SUPT3H: variants seen among roughly 807,000 people sequenced by gnomAD.
SUPT3H encodes the protein SPT3 homolog, SAGA and STAGA complex component.
In SUPT3H, 44 loss-of-function variants were observed where a neutral mutation model predicts 44.3. That is an observed-to-expected ratio of 0.99 (90% CI 0.78 to 1.28). SUPT3H has a LOEUF of 1.28. Among genes scored for constraint, SUPT3H ranks in the 50% most tolerant of loss-of-function variants. SUPT3H has a pLI of 0.00. For missense variants in SUPT3H, 380 were observed against 387.1 expected, an observed-to-expected ratio of 0.98 and a Z score of 0.15; for synonymous variants, 124 against 125.6, an observed-to-expected ratio of 0.99 and a Z score of 0.09.
chr6:45,243,084 G>A (rs534424944), intron 2 of SUPT3H, among the ~76,000 whole-genome samples: 1 of 151,538 alleles, frequency 6.6e-6, no homozygotes, highest in East Asian at 2.0e-4. Context: ...ATCCCAGCTA[G>A]TCGGGAGGCT....
rs150834812 is a variant in SUPT3H, at chr6:45,046,529, C to T, written c.187-25897G>A. 7.0e-3 allele frequency among the ~76,000 whole-genome samples: 1,068 copies of T among 152,214 alleles called. 15 individuals are homozygous for T. Among genetic ancestry groups the T allele is most frequent in the African/African-American group, 0.025 (1,025 of 41,534 alleles). The stretch of plus-strand genomic sequence containing the variant: ...TATTTTTAGTAGAGAGGAAGTTTCA[C>T]CATGTTGGCCAGGCTGGTCTCAAAC... On this transcript the variant is annotated intron_variant, in intron 3 of 10. Coordinates refer to ENST00000371459, the MANE Select transcript of SUPT3H (RefSeq NM_003599.4).
chr6:45,283,427 G>A (rs562661866), intron 2 of SUPT3H, among the ~76,000 whole-genome samples: 1 of 152,072 alleles, frequency 6.6e-6, no homozygotes, highest in East Asian at 1.9e-4. Context: ...AAAGGCAGGG[G>A]TTGCAATCCT....
chr6:44,914,358 A>T (rs1767496693), intron 10 of SUPT3H, among the ~76,000 whole-genome samples: 1 of 152,248 alleles, frequency 6.6e-6, no homozygotes, highest in Admixed American at 6.5e-5. Context: ...TTAAACAGGC[A>T]TTTATTAGCT....
At chr6:45,240,508 C>T (rs772985002) in intron 2 of SUPT3H, among the ~76,000 whole-genome samples, 5 of 152,180 alleles carry the variant, frequency 3.3e-5, no homozygotes, top group African/African-American at 4.8e-5. Flanking sequence ...TTAGGCGTAC[C>T]GCCCTCAAAA....
chr6:45,315,630 G>T (rs1343736408), intron 2 of SUPT3H, among the ~76,000 whole-genome samples: 1 of 152,130 alleles, frequency 6.6e-6, no homozygotes, highest in Non-Finnish European at 1.5e-5. Flanking sequence ...AAACACAGTA[G>T]ATGTTGGCAT....
intron 10 of SUPT3H, among the ~76,000 whole-genome samples, chr6:44,909,919 T>C (rs954423205): frequency 6.6e-5 from 10 of 152,236 alleles, no homozygotes; most frequent in Non-Finnish European, 1.3e-4. Context: ...TACAGTGAAA[T>C]GAGAACTCTC....
intron 10 of SUPT3H, among the ~76,000 whole-genome samples, chr6:44,858,582 T>A (rs1187731704): frequency 6.6e-6 from 1 of 152,202 alleles, no homozygotes; most frequent in Non-Finnish European, 1.5e-5. Context: ...ATTACTAAGT[T>A]GAACCATATA....
intron 2 of SUPT3H, among the ~76,000 whole-genome samples, chr6:45,112,990 G>T (rs1162029291): frequency 7.4e-5 from 11 of 147,918 alleles, no homozygotes; most frequent in South Asian, 2.1e-4. Context: ...ATTAGTTCTG[G>T]TTTTTTTGGA....
At chr6:45,137,318 G>GA (rs1309394583) in intron 2 of SUPT3H, among the ~76,000 whole-genome samples, 1 of 151,688 alleles carries the variant, frequency 6.6e-6, no homozygotes, top group East Asian at 1.9e-4. Flanking sequence ...CAAGCAAAAA[G>GA]AAAAAAAGAA....
At chr6:45,011,682 C>T (rs945238175) in intron 5 of SUPT3H, among the ~76,000 whole-genome samples, 4 of 151,936 alleles carry the variant, frequency 2.6e-5, no homozygotes, top group Non-Finnish European at 4.4e-5. Context: ...TATACTATCT[C>T]TTATATTTAT....
In SUPT3H at chr6:45,038,225, C is replaced by T. The variant is rs115115925; in HGVS notation, c.187-17593G>A. Among the ~76,000 whole-genome samples the T allele has an allele frequency of 7.8e-3, 1,186 of 152,256 alleles. 17 individuals are homozygous for T. Among genetic ancestry groups the T allele is most frequent in the African/African-American group, 0.026 (1,087 of 41,542 alleles). The stretch of plus-strand genomic sequence containing the variant: ...ATGCTATGAATAGTCTCAAATTTAT[C>T]TCCCTGGGCCCAAAGAGAAACTGCT... On this transcript the variant is annotated intron_variant, in intron 3 of 10. Transcript: ENST00000371459.
intron 2 of SUPT3H, among the ~76,000 whole-genome samples, chr6:45,174,015 G>C (rs549987117): frequency 9.2e-5 from 14 of 152,318 alleles, no homozygotes; most frequent in African/African-American, 3.4e-4. Context: ...ACAATGGTTT[G>C]CTTGGTGATC....
chr6:44,885,106 A>T (rs1778943704), intron 10 of SUPT3H, among the ~76,000 whole-genome samples: 2 of 152,226 alleles, frequency 1.3e-5, no homozygotes. Context: ...TAAACAAAGC[A>T]GCCAGGAAGC....
chr6:45,134,639 GAC>G (rs56412464), intron 2 of SUPT3H, among the ~76,000 whole-genome samples: 33,775 of 152,030 alleles, frequency 0.22, 4,389 homozygotes, highest in Non-Finnish European at 0.3. Flanking sequence ...GAAGGCATAG[GAC>G]AGACATTCTC....
chr6:45,244,469 T>C (rs182419560), intron 2 of SUPT3H, among the ~76,000 whole-genome samples: 1 of 152,320 alleles, frequency 6.6e-6, no homozygotes, highest in Admixed American at 6.5e-5. Flanking sequence ...CTCTCCTTCA[T>C]TATTTAAATC....
chr6:45,238,138 A>C (rs528390111), intron 2 of SUPT3H, among the ~76,000 whole-genome samples: 4 of 152,272 alleles, frequency 2.6e-5, no homozygotes, highest in Non-Finnish European at 5.9e-5. Context: ...ACTCGTAAAA[A>C]AATTTTTAGT....
At chr6:44,949,509 C>T (rs1463444167) in intron 9 of SUPT3H, among the ~76,000 whole-genome samples, 1 of 151,066 alleles carries the variant, frequency 6.6e-6, no homozygotes, top group African/African-American at 2.4e-5. Context: ...AGCTAACAAA[C>T]TGAGAGAAAA....
chr6:45,248,046 C>T (rs950668144), intron 2 of SUPT3H, among the ~76,000 whole-genome samples: 1 of 151,978 alleles, frequency 6.6e-6, no homozygotes, highest in Non-Finnish European at 1.5e-5. Context: ...AATATTGACC[C>T]ATACTTTACA....
chr6:44,830,920 G>A (rs1293117645), intron 10 of SUPT3H, among the ~76,000 whole-genome samples: 3 of 146,582 alleles, frequency 2.0e-5, no homozygotes, highest in East Asian at 2.2e-4. Flanking sequence ...AACCTTTTAC[G>A]ATCAAGATAA....
Sources: gnomAD v4.1 joint callset for allele counts (sites outside exome capture counted in the v4.1 genomes callset) on GRCh38, gnomAD v4.1.1 for gene constraint, MANE v1.5 for transcripts, NCBI Gene and HGNC (gene_info 2026-07-23, HGNC 2026-07-21) for gene names.